AADACL2: variants seen among roughly 807,000 people sequenced by gnomAD.
AADACL2 encodes the protein arylacetamide deacetylase-like 2.
AADACL2 carries 23 observed loss-of-function variants against 22.3 expected under a neutral mutation model. The observed-to-expected ratio is 1.03, with a 90% CI of 0.74 to 1.46. The LOEUF is 1.46. Among genes scored for constraint, AADACL2 ranks in the 40% most tolerant of loss-of-function variants. AADACL2 has a pLI of 0.00. For missense variants in AADACL2, 472 were observed against 482.9 expected (o/e 0.98, Z 0.21); for synonymous variants, 177 against 166.2 (o/e 1.07, Z -0.50).
chr3:151,751,420 T>G (rs1412369070), intron 4 of AADACL2: 1 of 152,148 alleles, frequency 6.6e-6, no homozygotes, highest in Non-Finnish European at 1.5e-5. Flanking sequence ...GAAACAACAA[T>G]TGGGCTTGAT....
chr3:151,752,658 T>C (rs979435188), intron 4 of AADACL2, among the ~76,000 whole-genome samples: 4 of 152,238 alleles, frequency 2.6e-5, no homozygotes, highest in African/African-American at 9.6e-5. Flanking sequence ...ATGTATGCAT[T>C]GCTCTTATTT....
In AADACL2 at chr3:151,757,436, T is replaced by C. The variant is rs377513759; in HGVS notation, c.1048T>C (p.Tyr350His). The C allele has an allele frequency of 1.2e-6, 2 of 1,613,688 alleles. No individual in the cohort carries two copies. Among genetic ancestry groups the C allele is most frequent in the East Asian group, 4.5e-5 (2 of 44,858 alleles). The change falls in exon 5 of 5, where the codon TAT becomes CAT. Residue 350 changes from tyrosine to histidine, a missense_variant. By Grantham distance (83) the Tyr-to-His change is moderately conservative. Coordinates refer to ENST00000356517, the MANE Select transcript of AADACL2 (RefSeq NM_207365.4). ...HDLLRDDGLMYVTRLRNVGVQ... is the reference protein window; with the variant it reads ...HDLLRDDGLMHVTRLRNVGVQ... ...TCTCTTAAGAGATGATGGACTTATG[T>C]ATGTTACAAGACTTCGAAATGTTGG...
At chr3:151,742,312 T>G (rs1306442845) in intron 2 of AADACL2, among the ~76,000 whole-genome samples, 4 of 152,100 alleles carry the variant, frequency 2.6e-5, no homozygotes, top group Non-Finnish European at 4.4e-5. Context: ...TTTGTTTCTA[T>G]ACGCATTCTA....
rs1328292075 is a variant in AADACL2, at chr3:151,761,222, T to G, written c.*3628T>G. The G allele has an allele frequency of 2.3e-5, 3 of 131,374 alleles. No individual in the cohort carries two copies. Among genetic ancestry groups the G allele is most frequent in the Non-Finnish European group, 3.3e-5 (2 of 60,448 alleles). The allele number at this position is 131,374 out of a possible 1,614,324, so 8.1% of individuals were successfully genotyped here. ...ATATTGTGATATATATATATATATATATATATATATATATATATATGAATT... is the reference window on the plus strand; with the variant it reads ...ATATTGTGATATATATATATATATAGATATATATATATATATATATGAATT... On this transcript the variant is annotated 3_prime_UTR_variant, in exon 5 of 5. Coordinates refer to ENST00000356517, the MANE Select transcript of AADACL2 (RefSeq NM_207365.4).
rs1355308179 is a variant in AADACL2, at chr3:151,757,080, C to G, written c.692C>G (p.Ser231Cys). 6.2e-7 allele frequency: 1 copy of G among 1,613,016 alleles called. No homozygotes were observed. Among genetic ancestry groups the G allele is most frequent in the Non-Finnish European group, 8.5e-7 (1 of 1,179,560 alleles). ...CAGATAACAGATTCTTATTTGCCAT[C>G]TCACCGAGAAAATGAGCATGGTATA... ...GLQITDSYLP[S>C]HRENEHGIVL... The change falls in exon 5 of 5, where the codon TCT (serine) becomes TGT (cysteine). Residue 231 changes from serine to cysteine, a missense_variant. This residue lies in a region of AADACL2 where 356 missense variants were observed against 365.5 expected (regional missense o/e 0.97). Transcript: ENST00000356517.
rs1713366349 is a variant in AADACL2 at position 151,744,163 on chromosome 3, G to A, written c.431+1G>A. The stretch of plus-strand genomic sequence containing the variant: ...TTGATGCTGTTGTTGTAGGCGTGGA[G>A]TAAGAATGATTTTTTTCTGGCTACT... On this transcript the variant is annotated splice_donor_variant, in intron 3 of 4. Transcript: ENST00000356517. LOFTEE classifies it high-confidence loss of function. The A allele has an allele frequency of 6.2e-7, 1 of 1,613,362 alleles. No individual in the cohort carries two copies. The highest frequency in any genetic ancestry group is 1.7e-5 in the Admixed American group (1 of 59,972).
intron 4 of AADACL2, among the ~76,000 whole-genome samples, chr3:151,753,632 G>A (rs760466451): frequency 1.3e-5 from 2 of 152,172 alleles, no homozygotes; most frequent in African/African-American, 2.4e-5. Context: ...CTATGAAGTT[G>A]AGTGCTCTGG....
intron 4 of AADACL2, chr3:151,751,558 T>G (rs1346228023): frequency 6.6e-6 from 1 of 152,160 alleles, no homozygotes; most frequent in Non-Finnish European, 1.5e-5. Flanking sequence ...GGTACACTCC[T>G]GTAGTCCCAG....
rs186764057 is a variant in AADACL2 at position 151,759,618 on chromosome 3, A to G, written c.*2024A>G. On this transcript the variant is annotated 3_prime_UTR_variant, in exon 5 of 5. Coordinates refer to ENST00000356517, the MANE Select transcript of AADACL2 (RefSeq NM_207365.4). ...GCAGAAAAGCACTTCTTTTTTTGCTACATAAGTATGTGGTAGAAATGTATG... is the reference window on the plus strand; with the variant it reads ...GCAGAAAAGCACTTCTTTTTTTGCTGCATAAGTATGTGGTAGAAATGTATG... 3 of 152,348 alleles carry G rather than the reference A, an allele frequency of 2.0e-5. No individual in the cohort carries two copies. Among genetic ancestry groups the G allele is most frequent in the East Asian group, 1.9e-4 (1 of 5,182 alleles). The allele number at this position is 152,348 out of a possible 1,614,324, so 9.4% of individuals were successfully genotyped here. A position where few individuals can be genotyped will look rare whatever the true frequency, so the allele number is the denominator to read the frequency against.
chr3:151,734,741 T>A (rs189300850), intron 1 of AADACL2, among the ~76,000 whole-genome samples: 67 of 152,284 alleles, frequency 4.4e-4, no homozygotes, highest in African/African-American at 1.6e-3. Flanking sequence ...TATTTTTGAG[T>A]TCTTAAGTTG....
At chr3:151,746,356 GT>G (rs1161661355) in intron 4 of AADACL2, among the ~76,000 whole-genome samples, 1 of 98,768 alleles carries the variant, frequency 1.0e-5, no homozygotes, top group Non-Finnish European at 2.2e-5. Flanking sequence ...AGTGTTCTGT[GT>G]TTTTTTTGTT....
chr3:151,744,954 C>T lies in AADACL2; in HGVS notation c.432-555C>T, dbSNP rs1713391233. On this transcript the variant is annotated intron_variant, in intron 3 of 4. Coordinates refer to ENST00000356517, the MANE Select transcript of AADACL2 (RefSeq NM_207365.4). ...ATAATTTGCCTTACAAATGAATTTA[C>T]CAGAAATAAGCAAGCTCTCTGGCAT... 2.0e-5 allele frequency among the ~76,000 whole-genome samples: 3 copies of T among 152,046 alleles called. No individual in the cohort carries two copies. The South Asian group carries it at 6.2e-4, about 32-fold the overall frequency.
intron 1 of AADACL2, among the ~76,000 whole-genome samples, chr3:151,737,325 C>CT (rs774582057): frequency 0.021 from 3,041 of 146,472 alleles, 37 homozygotes; most frequent in Non-Finnish European, 0.032. Flanking sequence ...GTCCGAGAGA[C>CT]TTTTTTTTTT....
chr3:151,759,238 T>C lies in AADACL2; in HGVS notation c.*1644T>C, dbSNP rs1714066809. The C allele has an allele frequency of 6.6e-6, 1 of 152,176 alleles. No homozygotes were observed. The highest frequency in any genetic ancestry group is 6.5e-5 in the Admixed American group (1 of 15,270). 9.4% of individuals were successfully genotyped at this position (152,176 alleles called of 1,614,324 possible). On this transcript the variant is annotated 3_prime_UTR_variant, in exon 5 of 5. Coordinates refer to ENST00000356517, the MANE Select transcript of AADACL2 (RefSeq NM_207365.4). ...ACTTGATATATTTTAAAATTTGTAA[T>C]TTGTTTTTCATGATACTGAATCTGG...
In AADACL2 at chr3:151,760,622, A is replaced by G. The variant is rs1309629720; in HGVS notation, c.*3028A>G. 6.6e-6 allele frequency: 1 copy of G among 152,248 alleles called. No individual in the cohort carries two copies. Among genetic ancestry groups the G allele is most frequent in the Non-Finnish European group, 1.5e-5 (1 of 68,030 alleles). The allele number at this position is 152,248 out of a possible 1,614,324, so 9.4% of individuals were successfully genotyped here. The stretch of plus-strand genomic sequence containing the variant: ...CATGTAAAGAAGTAACAATTTCCAA[A>G]ATACCTCCAAACAGCGCCACATCCT... On this transcript the variant is annotated 3_prime_UTR_variant, in exon 5 of 5. Coordinates refer to ENST00000356517, the MANE Select transcript of AADACL2 (RefSeq NM_207365.4).
chr3:151,741,004 A>T, intron 2 of AADACL2, 136 bp downstream of exon 2: 2 of 668,278 alleles, frequency 3.0e-6, no homozygotes, highest in Non-Finnish European at 4.8e-6. Context: ...AAGTATAGAT[A>T]TAAATATGAG....
At chr3:151,737,898 C>T (rs1329151170) in intron 1 of AADACL2, among the ~76,000 whole-genome samples, 2 of 152,036 alleles carry the variant, frequency 1.3e-5, no homozygotes, top group East Asian at 3.9e-4. Flanking sequence ...TGAGTCTTGA[C>T]TTCTTATCCA....
chr3:151,740,713 A>G lies in AADACL2; in HGVS notation c.206A>G (p.Asp69Gly), dbSNP rs1192823363. 1.2e-6 allele frequency: 2 copies of G among 1,613,750 alleles called. No individual in the cohort carries two copies. Among genetic ancestry groups the G allele is most frequent in the Admixed American group, 3.3e-5 (2 of 59,990 alleles). Reference sequence around the variant, plus strand: ...TTTATATCCATGATATTCAGGCTGGATTATACCCAACCACTTTCAGATGAA... The same window carrying G: ...TTTATATCCATGATATTCAGGCTGGGTTATACCCAACCACTTTCAGATGAA... Reference protein sequence around the residue: ...EEFISMIFRLDYTQPLSDEYI... With the variant: ...EEFISMIFRLGYTQPLSDEYI... The change falls in exon 2 of 5, where the codon GAT becomes GGT. Residue 69 changes from aspartate (D) to glycine (G), a missense_variant. By Grantham distance (94) the Asp-to-Gly change is moderately conservative. Transcript: ENST00000356517.
chr3:151,753,961 A>C (rs1386696102), intron 4 of AADACL2, among the ~76,000 whole-genome samples: 1 of 152,176 alleles, frequency 6.6e-6, no homozygotes, highest in Non-Finnish European at 1.5e-5. Context: ...TTGAATGGTC[A>C]CAGGGCACTT....
Sources: gnomAD v4.1 joint callset for allele counts (sites outside exome capture counted in the v4.1 genomes callset) on GRCh38, gnomAD v4.1.1 for gene constraint, gnomAD v4.1.1 regional missense constraint, MANE v1.5 for transcripts, NCBI Gene and HGNC (gene_info 2026-07-23, HGNC 2026-07-21) for gene names.